Variants in MTA1 observed in about 807,000 individuals in gnomAD.
MTA1 encodes the protein metastasis-associated protein MTA1.
MTA1 carries 15 observed loss-of-function variants against 97.0 expected under a neutral mutation model. That is an observed-to-expected ratio of 0.15 (90% confidence interval 0.10 to 0.24). The LOEUF is 0.24. Ranked by LOEUF, MTA1 falls within the 10% of genes least tolerant of loss-of-function variation. MTA1 has a pLI of 1.00. For missense variants in MTA1, 709 were observed against 1,015.1 expected, an observed-to-expected ratio of 0.70 and a Z score of 4.10; for synonymous variants, 435 against 417.5, an observed-to-expected ratio of 1.04 and a Z score of -0.51.
In MTA1 at chr14:105,463,915, G is replaced by A. The variant is rs2083458744; in HGVS notation, c.1077-117G>A. ...AAAGGAAGATCCCTGCCGAGGCCGA[G>A]GGGTGCGAGGACGTGGTTCTGGACA... is the stretch of plus-strand genomic sequence containing the variant. On this transcript the variant is annotated intron_variant, in intron 12 of 20. Transcript: ENST00000331320. This position sits in a 1 kb window ranked among gnomAD's most constrained non-coding sequence, Gnocchi z 5.9. 2 of 937,534 alleles carry A rather than the reference G, an allele frequency of 2.1e-6. No homozygotes were observed. The highest frequency in any genetic ancestry group is 4.0e-5 in the Admixed American group (2 of 49,540). The allele number at this position is 937,534 out of a possible 1,614,324, so 58.1% of individuals were successfully genotyped here. A position where few individuals can be genotyped will look rare whatever the true frequency, so the allele number is the denominator to read the frequency against.
Position 105,419,883 on chromosome 14 carries a change from TCGGCGG to T in MTA1, c.-130_-125del, listed in dbSNP as rs587635485. ...CCGTCCCTGCGCGGCCTCGGCGGCC[TCGGCGG>T]CGGCGGCGGCGGCGGCGGCGGCAGC... On this transcript the variant is annotated 5_prime_UTR_variant, in exon 1 of 21. Transcript: ENST00000331320. 22 of 182,570 alleles carry T rather than the reference TCGGCGG, an allele frequency of 1.2e-4. No individual in the cohort carries two copies. Among genetic ancestry groups the T allele is most frequent in the Non-Finnish European group, 1.7e-4 (18 of 103,830 alleles). The allele number at this position is 182,570 out of a possible 1,614,324, so 11.3% of individuals were successfully genotyped here. A position where few individuals can be genotyped will look rare whatever the true frequency, so the allele number is the denominator to read the frequency against.
rs1483310347 is a variant in MTA1, at chr14:105,424,307, C to T, written c.28+4244C>T. On this transcript the variant is annotated intron_variant, in intron 1 of 20. Coordinates refer to ENST00000331320, the MANE Select transcript of MTA1 (RefSeq NM_004689.4). The surrounding 1 kb of genome is among the most constrained non-coding windows in gnomAD (Gnocchi z 4.0). ...CTCCCGGGTTCACACCATTCTCCTG[C>T]CTCAGCCTCCCAAGTAGCTGGGACT... 1.3e-5 allele frequency among the ~76,000 whole-genome samples: 2 copies of T among 152,122 alleles called. No individual in the cohort carries two copies. Among genetic ancestry groups the T allele is most frequent in the African/African-American group, 4.8e-5 (2 of 41,424 alleles).
chr14:105,430,718 G>C (rs1413297295), intron 1 of MTA1, among the ~76,000 whole-genome samples: 1 of 152,284 alleles, frequency 6.6e-6, no homozygotes, highest in East Asian at 1.9e-4. Flanking sequence ...CTCTCGTACA[G>C]GGATTGGCAA....
At chr14:105,450,212 C>T (rs782410335) in intron 5 of MTA1, 28 bp downstream of exon 5, 2 of 1,611,320 alleles carry the variant, frequency 1.2e-6, no homozygotes, top group African/African-American at 1.3e-5. Context: ...CCGCCCTGGG[C>T]CCCTCGGGCT....
intron 19 of MTA1, 123 bp downstream of exon 19, chr14:105,469,621 C>T (rs974140627): frequency 3.0e-5 from 39 of 1,287,972 alleles, no homozygotes; most frequent in South Asian, 1.0e-4. Flanking sequence ...CCTGGCAAGA[C>T]CAGAGGGGCT....
intron 1 of MTA1, among the ~76,000 whole-genome samples, chr14:105,421,530 C>A (rs1412123083): frequency 2.0e-5 from 3 of 152,216 alleles, no homozygotes; most frequent in African/African-American, 7.2e-5. Context: ...GGAGTGGTGG[C>A]AGCTTTGGGC....
chr14:105,448,121 A>G (rs2082781353), intron 3 of MTA1, among the ~76,000 whole-genome samples: 1 of 152,042 alleles, frequency 6.6e-6, no homozygotes, highest in Non-Finnish European at 1.5e-5. Context: ...GGAGAGGGGA[A>G]CGTCCCTCCT....
At chr14:105,425,996 C>T (rs587663412) in intron 1 of MTA1, among the ~76,000 whole-genome samples, 3 of 152,254 alleles carry the variant, frequency 2.0e-5, no homozygotes, top group South Asian at 2.1e-4. Flanking sequence ...GGGCGGGCCT[C>T]AGCACTGCAG....
intron 1 of MTA1, among the ~76,000 whole-genome samples, chr14:105,438,233 T>G (rs1421827584): frequency 6.6e-6 from 1 of 152,118 alleles, no homozygotes; most frequent in Non-Finnish European, 1.5e-5. Flanking sequence ...CACGTGGCTC[T>G]GGGGGTGTAG....
intron 1 of MTA1, among the ~76,000 whole-genome samples, chr14:105,436,749 G>A (rs9743768): frequency 0.042 from 6,463 of 152,268 alleles, 450 homozygotes; most frequent in African/African-American, 0.15. Flanking sequence ...CAAGTTTGAT[G>A]CATTGTTTTG....
In MTA1 at chr14:105,466,426, A is replaced by AGGGGGGGCCCG; in HGVS notation, c.1626_1627insGGGGGGCCCGG (p.Thr543GlyfsTer15). 1 of 1,484,226 alleles carries AGGGGGGGCCCG rather than the reference A, an allele frequency of 6.7e-7. No homozygotes were observed. The highest frequency in any genetic ancestry group is 9.3e-7 in the Non-Finnish European group (1 of 1,071,324). The allele number at this position is 1,484,226 out of a possible 1,614,324, so 91.9% of individuals were successfully genotyped here. The stretch of plus-strand genomic sequence containing the variant: ...GTTCTGCCTGTGTCATTCCCGGCAG[A>AGGGGGGGCCCG]GACCCACCCCCGCCCCCCCAAGCCT... On this transcript the variant is annotated frameshift_variant and splice_region_variant, in exon 17 of 21. Coordinates refer to ENST00000331320, the MANE Select transcript of MTA1 (RefSeq NM_004689.4). LOFTEE classifies it high-confidence loss of function.
chr14:105,449,038 G>A (rs2082820076), intron 3 of MTA1: 6 of 321,758 alleles, frequency 1.9e-5, no homozygotes, highest in East Asian at 1.1e-4. Flanking sequence ...GCCCGGCCCC[G>A]GTCTCATCTG....
chr14:105,453,994 G>A (rs758456126), intron 6 of MTA1, among the ~76,000 whole-genome samples, 199 bp from the exon 7 acceptor site: 120 of 152,118 alleles, frequency 7.9e-4, no homozygotes, highest in Non-Finnish European at 1.2e-3. Context: ...AGTGACCCTC[G>A]AGGCCCCGCT....
In MTA1 at chr14:105,460,810, A is replaced by G; in HGVS notation, c.799A>G (p.Lys267Glu). 1 of 1,609,958 alleles carries G rather than the reference A, an allele frequency of 6.2e-7. No individual in the cohort carries two copies. Among genetic ancestry groups the G allele is most frequent in the Non-Finnish European group, 8.5e-7 (1 of 1,178,340 alleles). ...CCACAAGAACATCTACGACATCTCCAAGGCCATCTCGGCGCTGGTGCCGCA... is the reference window on the plus strand; with the variant it reads ...CCACAAGAACATCTACGACATCTCCGAGGCCATCTCGGCGCTGGTGCCGCA... ...TLHKNIYDIS[K>E]AISALVPQGG... Residue 267 changes from lysine (K) to glutamate (E), a missense_variant, in exon 10 of 21, where the codon AAG (lysine) becomes GAG (glutamate). This residue lies in a region of MTA1 where 321 missense variants were observed against 593.5 expected (regional missense o/e 0.54). Coordinates refer to ENST00000331320, the MANE Select transcript of MTA1 (RefSeq NM_004689.4).
chr14:105,451,093 C>G (rs1401384709), intron 6 of MTA1, among the ~76,000 whole-genome samples: 1 of 152,198 alleles, frequency 6.6e-6, no homozygotes, highest in African/African-American at 2.4e-5. Context: ...CTGAACACCC[C>G]CAGCGTGTCC....
At position 105,420,635 on chromosome 14, in the gene MTA1, A is replaced by G. The variant is rs2081801011; in HGVS notation, c.28+572A>G. 6.6e-6 allele frequency among the ~76,000 whole-genome samples: 1 copy of G among 152,146 alleles called. No individual in the cohort carries two copies. Among genetic ancestry groups the G allele is most frequent in the African/African-American group, 2.4e-5 (1 of 41,452 alleles). ...GAGCGAGCATCCCGAGCACGCCTCT[A>G]AGTCCCCCCAAACTTTTCCCTGCCT... On this transcript the variant is annotated intron_variant, in intron 1 of 20. Transcript: ENST00000331320. This position sits in a 1 kb window ranked among gnomAD's most constrained non-coding sequence, Gnocchi z 5.3.
At chr14:105,434,743 C>T (rs1036100803) in intron 1 of MTA1, among the ~76,000 whole-genome samples, 16 of 152,104 alleles carry the variant, frequency 1.1e-4, no homozygotes, top group South Asian at 2.1e-4. Context: ...TCAGGTGATC[C>T]GCCCGCCTCA....
At chr14:105,451,783 G>GTTTTT (rs869240296) in intron 6 of MTA1, among the ~76,000 whole-genome samples, 31 of 31,396 alleles carry the variant, frequency 9.9e-4, no homozygotes, top group African/African-American at 1.4e-3. Context: ...TTCTTTTTTT[G>GTTTTT]TTTTTTTTTT....
Position 105,466,443 on chromosome 14 carries a change from C to CCCCCCCCCA in MTA1, c.1644_1645insCCCCCCACC (p.Pro548_Lys549insProProThr). The CCCCCCCCCA allele has an allele frequency of 6.3e-7, 1 of 1,588,314 alleles. No homozygotes were observed. Among genetic ancestry groups the CCCCCCCCCA allele is most frequent in the Non-Finnish European group, 8.6e-7 (1 of 1,163,364 alleles). ...CCCGGCAGAGACCCACCCCCGCCCCCCCAAGCCTGACCCCGTGAAAAGCGT... is the reference window on the plus strand; with the variant it reads ...CCCGGCAGAGACCCACCCCCGCCCCCCCCCCCCCACCAAGCCTGACCCCGTGAAAAGCGT... On this transcript the variant is annotated inframe_insertion, in exon 17 of 21. Transcript: ENST00000331320.
Sources: allele counts gnomAD v4.1 joint callset (sites outside exome capture counted in the v4.1 genomes callset), GRCh38; gene constraint gnomAD v4.1.1; regional missense constraint gnomAD v4.1.1; non-coding constraint Gnocchi (gnomAD v3.1); transcripts MANE v1.5; gene names NCBI Gene and HGNC (gene_info 2026-07-23, HGNC 2026-07-21).